ZFAT: variants seen among roughly 807,000 people sequenced by gnomAD.
ZFAT encodes the protein zinc finger protein ZFAT.
Under a neutral mutation model 117.7 loss-of-function variants are expected in ZFAT, and 64 were observed. The observed-to-expected ratio is 0.54, with a 90% confidence interval of 0.44 to 0.67. The LOEUF is 0.67. ZFAT is among the 30% of genes least tolerant of loss of function. ZFAT has a pLI of 0.00. For missense variants in ZFAT, 1,433 were observed against 1,584.5 expected, an observed-to-expected ratio of 0.90 and a Z score of 1.62; for synonymous variants, 679 against 615.0, an observed-to-expected ratio of 1.10 and a Z score of -1.54.
intron 7 of ZFAT, 130 bp downstream of exon 7, chr8:134,600,305 TG>T: frequency 1.2e-6 from 1 of 849,136 alleles, no homozygotes; most frequent in Non-Finnish European, 2.0e-6. Flanking sequence ...CGTGCACAGC[TG>T]TGTAAGGAGA....
At chr8:134,755,013 C>A in the ZFAT span, among the ~76,000 whole-genome samples, 1 of 152,190 alleles carries the variant, frequency 6.6e-6, no homozygotes, top group Non-Finnish European at 1.5e-5. Context: ...GCCAGCCTTA[C>A]CTTTTTGGTT....
chr8:134,732,613 T>C, the ZFAT span, among the ~76,000 whole-genome samples: 1 of 152,248 alleles, frequency 6.6e-6, no homozygotes, highest in Non-Finnish European at 1.5e-5. Context: ...GAAGTTCTAC[T>C]TTTGAATGTC....
At chr8:134,829,838 G>A in the ZFAT span, among the ~76,000 whole-genome samples, 1 of 152,128 alleles carries the variant, frequency 6.6e-6, no homozygotes, top group African/African-American at 2.4e-5. Context: ...TTGTTCACCT[G>A]TGGTAGAATA....
chr8:134,639,280 A>T (rs974992370), intron 2 of ZFAT, among the ~76,000 whole-genome samples: 1 of 152,220 alleles, frequency 6.6e-6, no homozygotes, highest in Non-Finnish European at 1.5e-5. Flanking sequence ...GAAACCTGGC[A>T]CCAGAATGAA....
chr8:134,714,854 C>A (rs1814188417), upstream of ZFAT, among the ~76,000 whole-genome samples: 1 of 151,930 alleles, frequency 6.6e-6, no homozygotes, highest in Non-Finnish European at 1.5e-5. Flanking sequence ...CCCCCCAGGC[C>A]TCCAGGAGAG....
intron 11 of ZFAT, among the ~76,000 whole-genome samples, chr8:134,541,282 G>A (rs1822232222): frequency 6.6e-6 from 1 of 152,188 alleles, no homozygotes; most frequent in Non-Finnish European, 1.5e-5. Flanking sequence ...AAGGATTGAA[G>A]GATTAATGGG....
chr8:134,486,302 C>A (rs765058979), intron 15 of ZFAT, among the ~76,000 whole-genome samples: 2 of 152,100 alleles, frequency 1.3e-5, no homozygotes, highest in Admixed American at 1.3e-4. Context: ...GCCTTCACTT[C>A]GGGAATTCCA....
chr8:134,609,939 T>C (rs895273904), intron 4 of ZFAT, among the ~76,000 whole-genome samples: 5 of 152,020 alleles, frequency 3.3e-5, no homozygotes, highest in Non-Finnish European at 7.4e-5. Context: ...AAAAGAAAAA[T>C]GAGAATAGAA....
chr8:134,603,755 G>A (rs1278122380), intron 5 of ZFAT, among the ~76,000 whole-genome samples: 1 of 152,204 alleles, frequency 6.6e-6, no homozygotes, highest in Non-Finnish European at 1.5e-5. Context: ...GGGCCTCTGT[G>A]AGCCTGGCTG....
At chr8:134,673,017 T>G (rs755632336) in intron 1 of ZFAT, 2 of 152,180 alleles carry the variant, frequency 1.3e-5, no homozygotes, top group Admixed American at 1.3e-4. Context: ...GTTTGACGGT[T>G]GAAACAAAAA....
At chr8:134,829,502 C>T in the ZFAT span, among the ~76,000 whole-genome samples, 2 of 152,222 alleles carry the variant, frequency 1.3e-5, no homozygotes, top group African/African-American at 4.8e-5. Flanking sequence ...ACTCAAAGAA[C>T]ACACTGATAA....
intron 2 of ZFAT, 135 bp from the exon 3 acceptor site, chr8:134,637,847 A>G: frequency 1.6e-6 from 2 of 1,221,254 alleles, no homozygotes; most frequent in Non-Finnish European, 1.1e-6. Flanking sequence ...GATTCCAGAC[A>G]TTAACAGCTG....
At chr8:134,773,821 T>C in the ZFAT span, among the ~76,000 whole-genome samples, 1 of 152,082 alleles carries the variant, frequency 6.6e-6, no homozygotes. Context: ...TGATAAAACT[T>C]GAACAGATGA....
intron 1 of ZFAT, among the ~76,000 whole-genome samples, chr8:134,709,942 T>A (rs1255147525): frequency 6.6e-6 from 1 of 152,212 alleles, no homozygotes; most frequent in Non-Finnish European, 1.5e-5. Context: ...CACCTCCTTA[T>A]CATTCATTGT....
At chr8:134,516,574 C>A (rs908781576) in intron 13 of ZFAT, among the ~76,000 whole-genome samples, 4 of 152,256 alleles carry the variant, frequency 2.6e-5, no homozygotes, top group African/African-American at 9.6e-5. Context: ...GTGGCTCACA[C>A]TTGTATTCCC....
At position 134,565,322 on chromosome 8, in the gene ZFAT, A is replaced by G; in HGVS notation, c.2976+11T>C. 6.2e-7 allele frequency: 1 copy of G among 1,612,830 alleles called. No homozygotes were observed. Among genetic ancestry groups the G allele is most frequent in the Non-Finnish European group, 8.5e-7 (1 of 1,179,656 alleles). ...TCTGAACATCTGCCTTCTTCTCCAG[A>G]GCCCTCTTACCTTGAAGGAGACATG... On this transcript the variant is annotated intron_variant, in intron 11 of 15. Coordinates refer to ENST00000377838, the MANE Select transcript of ZFAT (RefSeq NM_020863.4).
At chr8:134,604,716 T>G (rs7012866) in intron 5 of ZFAT, among the ~76,000 whole-genome samples, 89,247 of 152,122 alleles carry the variant, frequency 0.59, 27,095 homozygotes, top group East Asian at 0.89. Context: ...GTCTTTAAAT[T>G]TAAAATATTT....
chr8:134,709,394 G>A (rs1173961120), intron 1 of ZFAT, among the ~76,000 whole-genome samples: 1 of 152,220 alleles, frequency 6.6e-6, no homozygotes, highest in African/African-American at 2.4e-5. Flanking sequence ...GGGTCCCAAG[G>A]GTTCTGTGAC....
the ZFAT span, among the ~76,000 whole-genome samples, chr8:134,752,052 A>C: frequency 6.6e-6 from 1 of 152,000 alleles, no homozygotes; most frequent in Admixed American, 6.6e-5. Context: ...TCCTCTACCA[A>C]ATGAGGGGGT....
Sources: gnomAD v4.1 joint callset for allele counts (sites outside exome capture counted in the v4.1 genomes callset) on GRCh38, gnomAD v4.1.1 for gene constraint, MANE v1.5 for transcripts, NCBI Gene and HGNC (gene_info 2026-07-23, HGNC 2026-07-21) for gene names.